SPAG16: variants seen among roughly 807,000 people sequenced by gnomAD.
The protein encoded by SPAG16 is sperm associated antigen 16.
A neutral mutation model predicts 80.4 loss-of-function variants in SPAG16; 86 were observed. The observed-to-expected ratio is 1.07, with a 90% CI of 0.90 to 1.28. The LOEUF is 1.28. Among genes scored for constraint, SPAG16 ranks in the 50% most tolerant of loss-of-function variants. SPAG16 has a pLI of 0.00. For missense variants in SPAG16, 870 were observed against 765.3 expected (o/e 1.14, Z -1.61); for synonymous variants, 294 against 265.9 (o/e 1.11, Z -1.03).
intron 12 of SPAG16, among the ~76,000 whole-genome samples, chr2:213,931,031 G>A (rs2078724230): frequency 6.6e-6 from 1 of 152,152 alleles, no homozygotes; most frequent in African/African-American, 2.4e-5. Flanking sequence ...TATTCCCTGT[G>A]TTCGCTCAGT....
chr2:213,835,603 C>A (rs998084540), intron 10 of SPAG16, among the ~76,000 whole-genome samples: 1 of 152,038 alleles, frequency 6.6e-6, no homozygotes, highest in Non-Finnish European at 1.5e-5. Context: ...GTACTATAAT[C>A]TTTTTTCCTA....
chr2:213,974,699 C>T (rs1305001919), intron 12 of SPAG16, among the ~76,000 whole-genome samples: 2 of 151,950 alleles, frequency 1.3e-5, no homozygotes, highest in South Asian at 2.1e-4. Context: ...TCAGTGGCTG[C>T]TCATGTAACT....
At chr2:213,615,598 A>C (rs1296933205) in intron 10 of SPAG16, among the ~76,000 whole-genome samples, 1 of 152,224 alleles carries the variant, frequency 6.6e-6, no homozygotes, top group African/African-American at 2.4e-5. Context: ...AAAAAAATGA[A>C]CAAACAAAAA....
chr2:214,036,598 G>A lies in SPAG16; in HGVS notation c.1527+22521G>A, dbSNP rs531499102. 3.2e-4 allele frequency among the ~76,000 whole-genome samples: 49 copies of A among 152,246 alleles called. 1 individual carries two copies. The South Asian group carries it at 9.5e-3, about 30-fold the overall frequency. On this transcript the variant is annotated intron_variant, in intron 13 of 15. Coordinates refer to ENST00000331683, the MANE Select transcript of SPAG16 (RefSeq NM_024532.5). ...TCTCTGCTTCCATTCCAACATAGCA[G>A]GATAATTGTATTTTCTCCCTTTTTA...
At chr2:214,218,737 A>G (rs1010873241) in intron 15 of SPAG16, among the ~76,000 whole-genome samples, 1 of 152,246 alleles carries the variant, frequency 6.6e-6, no homozygotes, top group Non-Finnish European at 1.5e-5. Flanking sequence ...TTGAAGATGC[A>G]TGGCAGGTAG....
chr2:214,155,361 A>G (rs905520808), intron 15 of SPAG16, among the ~76,000 whole-genome samples: 1 of 152,230 alleles, frequency 6.6e-6, no homozygotes, highest in African/African-American at 2.4e-5. Context: ...CCCATGGGCC[A>G]GCTTGGCCTC....
At chr2:214,109,945 G>T (rs778980299) in intron 14 of SPAG16, among the ~76,000 whole-genome samples, 8 of 152,036 alleles carry the variant, frequency 5.3e-5, no homozygotes, top group Non-Finnish European at 1.5e-5. Context: ...TGTAAATCAG[G>T]CATTTTATTT....
At chr2:214,138,045 G>C (rs1576322458) in intron 14 of SPAG16, among the ~76,000 whole-genome samples, 2 of 152,006 alleles carry the variant, frequency 1.3e-5, no homozygotes, top group East Asian at 3.9e-4. Flanking sequence ...TCTTTTCTGG[G>C]CTCTTTGGCT....
chr2:214,316,764 T>G (rs1912169), intron 15 of SPAG16, among the ~76,000 whole-genome samples: 137,822 of 152,090 alleles, frequency 0.91, 62,538 homozygotes, highest in East Asian at 1. Flanking sequence ...TGTTACATAA[T>G]ATAAATCCTC....
At chr2:214,204,029 G>A (rs1266362305) in intron 15 of SPAG16, among the ~76,000 whole-genome samples, 4 of 152,168 alleles carry the variant, frequency 2.6e-5, no homozygotes, top group Middle Eastern at 3.2e-3. Flanking sequence ...GGCTGCATAG[G>A]AGCTGATGAG....
chr2:213,762,274 G>A (rs1235611481), intron 10 of SPAG16, among the ~76,000 whole-genome samples: 2 of 152,136 alleles, frequency 1.3e-5, no homozygotes, highest in African/African-American at 2.4e-5. Flanking sequence ...AAAGAGTGAT[G>A]GAGATGAATA....
At chr2:213,543,734 C>G (rs968329885) in intron 10 of SPAG16, among the ~76,000 whole-genome samples, 2 of 152,000 alleles carry the variant, frequency 1.3e-5, no homozygotes, top group African/African-American at 4.8e-5. Flanking sequence ...AGCCTCCCCA[C>G]TTTCTTTGGT....
At chr2:213,983,028 T>C (rs2045838522) in intron 12 of SPAG16, among the ~76,000 whole-genome samples, 1 of 151,990 alleles carries the variant, frequency 6.6e-6, no homozygotes, top group South Asian at 2.1e-4. Context: ...TTAAATCACA[T>C]TGTCTTCCAT....
At chr2:213,291,764 G>A (rs1013138747) in intron 1 of SPAG16, among the ~76,000 whole-genome samples, 6 of 152,134 alleles carry the variant, frequency 3.9e-5, no homozygotes, top group Non-Finnish European at 8.8e-5. Flanking sequence ...TTGTATCTCA[G>A]GAATTTATCT....
chr2:213,401,213 C>T (rs1470895297), intron 9 of SPAG16, among the ~76,000 whole-genome samples: 1 of 152,234 alleles, frequency 6.6e-6, no homozygotes, highest in Non-Finnish European at 1.5e-5. Context: ...TATGCTTGCA[C>T]ATTTAGGTTT....
chr2:213,372,786 A>G (rs920209230), intron 8 of SPAG16, among the ~76,000 whole-genome samples: 2 of 152,128 alleles, frequency 1.3e-5, no homozygotes, highest in Non-Finnish European at 2.9e-5. Context: ...TGTTTGGTCT[A>G]TAAGGAAGTT....
rs531856517 is a variant in SPAG16, at chr2:213,347,231, A to G, written c.645-3297A>G. Among the ~76,000 whole-genome samples, 33 of 152,122 alleles carry G rather than the reference A, an allele frequency of 2.2e-4. No individual in the cohort carries two copies. In the East Asian group the frequency reaches 6.0e-3, roughly 28 times the overall value. ...GTATTTCTGTGGGATCGGTGGTGAT[A>G]TCCCCTTTATCATTTTTTATTGTGT... is the stretch of plus-strand genomic sequence containing the variant. On this transcript the variant is annotated intron_variant, in intron 6 of 15. Transcript: ENST00000331683.
intron 13 of SPAG16, among the ~76,000 whole-genome samples, chr2:214,041,332 A>T (rs1286205458): frequency 1.3e-5 from 2 of 151,576 alleles, no homozygotes; most frequent in East Asian, 1.9e-4. Flanking sequence ...CAGAAGGAGG[A>T]TTGTATCAGC....
chr2:214,407,865 C>T (rs4267506), intron 15 of SPAG16, among the ~76,000 whole-genome samples: 127,006 of 152,084 alleles, frequency 0.84, 53,079 homozygotes, highest in Middle Eastern at 0.88. Flanking sequence ...TCACACATTA[C>T]ATGCCGTGTA....
Sources: allele counts gnomAD v4.1 joint callset (sites outside exome capture counted in the v4.1 genomes callset), GRCh38; gene constraint gnomAD v4.1.1; transcripts MANE v1.5; gene names NCBI Gene and HGNC (gene_info 2026-07-23, HGNC 2026-07-21).